Variants in KCTD1 observed in about 807,000 individuals in gnomAD.
The protein encoded by KCTD1 is BTB/POZ domain-containing protein KCTD1.
Under a neutral mutation model 66.0 loss-of-function variants are expected in KCTD1, and 24 were observed. That is an observed-to-expected ratio of 0.36 (90% CI 0.26 to 0.51). KCTD1 has a LOEUF of 0.51. Among genes scored for constraint, KCTD1 ranks in the 20% least tolerant of loss-of-function variants. The pLI, the probability that KCTD1 is intolerant of heterozygous loss-of-function variation, is 0.95. For missense variants in KCTD1, 943 were observed against 1,205.2 expected, an observed-to-expected ratio of 0.78 and a Z score of 3.22; for synonymous variants, 511 against 517.2, an observed-to-expected ratio of 0.99 and a Z score of 0.16.
chr18:26,656,599 C>T (rs1988149307), intron 1 of KCTD1, among the ~76,000 whole-genome samples: 2 of 150,894 alleles, frequency 1.3e-5, no homozygotes, highest in South Asian at 2.1e-4. Flanking sequence ...CGTGGTCCGG[C>T]CCGGGCAAAA....
At position 26,469,177 on chromosome 18, in the gene KCTD1, T is replaced by G. The variant is rs369967394; in HGVS notation, c.2133+7338A>C. ...TTCATTTGACATGCTTTTGTTTTTT[T>G]TTTTTTCCCTCAAGCGTGGGTTACA... On this transcript the variant is annotated intron_variant, in intron 3 of 4. Coordinates refer to ENST00000580059, the MANE Select transcript of KCTD1 (RefSeq NM_001142730.3). 1.2e-3 allele frequency among the ~76,000 whole-genome samples: 178 copies of G among 152,232 alleles called. 1 individual carries two copies. In the Middle Eastern group the frequency reaches 0.031, roughly 26 times the overall value.
In KCTD1 at chr18:26,604,673, T is replaced by C. The variant is rs572910434; in HGVS notation, c.-16+24474A>G. 2.6e-5 allele frequency among the ~76,000 whole-genome samples: 4 copies of C among 151,982 alleles called. No homozygotes were observed. In the East Asian group the frequency reaches 7.7e-4, roughly 29 times the overall value. On this transcript the variant is annotated intron_variant, in intron 1 of 4. Coordinates refer to the KCTD1 transcript ENST00000317932. ...AATACTGCATGTTCTCACTTACAAG[T>C]GGGAGCTAAATGATGAGAACTCATG... is the stretch of plus-strand genomic sequence containing the variant.
chr18:26,462,889 C>G (rs1980512528), intron 3 of KCTD1, among the ~76,000 whole-genome samples: 1 of 152,116 alleles, frequency 6.6e-6, no homozygotes. Context: ...GAAATCTTTC[C>G]TTAAGCCTTT....
chr18:26,559,328 T>C (rs1242115615), intron 1 of KCTD1, among the ~76,000 whole-genome samples: 2 of 152,240 alleles, frequency 1.3e-5, no homozygotes, highest in Non-Finnish European at 2.9e-5. Flanking sequence ...GTGGTTATTA[T>C]GCATTGCATG....
chr18:26,512,939 C>T (rs1172213220), intron 1 of KCTD1, among the ~76,000 whole-genome samples: 1 of 152,028 alleles, frequency 6.6e-6, no homozygotes, highest in East Asian at 1.9e-4. Flanking sequence ...TGAAATCATG[C>T]CCCCGCACTC....
chr18:26,516,586 A>G (rs904133345), intron 1 of KCTD1, among the ~76,000 whole-genome samples: 1 of 152,246 alleles, frequency 6.6e-6, no homozygotes. Flanking sequence ...GGTTATAGCA[A>G]GTAGAATGGA....
intron 1 of KCTD1, among the ~76,000 whole-genome samples, chr18:26,598,618 G>A (rs1392102520): frequency 6.6e-6 from 1 of 152,118 alleles, no homozygotes; most frequent in Admixed American, 6.5e-5. Context: ...CATCAGCTGT[G>A]TTTGAGAATT....
intron 1 of KCTD1, among the ~76,000 whole-genome samples, chr18:26,651,235 G>T (rs1477513689): frequency 6.6e-6 from 1 of 152,212 alleles, no homozygotes; most frequent in African/African-American, 2.4e-5. Flanking sequence ...CCTTTGCCAA[G>T]TGCCCTTGAA....
chr18:26,466,957 G>C (rs187108106), intron 3 of KCTD1, among the ~76,000 whole-genome samples: 129 of 152,304 alleles, frequency 8.5e-4, no homozygotes, highest in Non-Finnish European at 1.3e-3. Flanking sequence ...AAGTTGTAAA[G>C]GGCATTGTGG....
chr18:26,641,158 G>T (rs2145062747), upstream of KCTD1, among the ~76,000 whole-genome samples: 1 of 152,272 alleles, frequency 6.6e-6, no homozygotes, highest in African/African-American at 2.4e-5. Flanking sequence ...CCTCCAGGAA[G>T]CTTTCCCAAC....
rs1249415043 is a variant in KCTD1, at chr18:26,584,708, T to A, written c.-16+44439A>T. Among the ~76,000 whole-genome samples the A allele has an allele frequency of 2.0e-5, 3 of 152,164 alleles. No homozygotes were observed. The East Asian group carries it at 5.8e-4, about 29-fold the overall frequency. On this transcript the variant is annotated intron_variant, in intron 1 of 4. Coordinates refer to the KCTD1 transcript ENST00000317932. ...AGGTATTCACAGGGTGTTTTTTGAG[T>A]ACCTAGGAGGGGGCTCCCGACCACA...
chr18:26,599,468 A>G, intron 1 of KCTD1: 1 of 1,610,698 alleles, frequency 6.2e-7, no homozygotes, highest in Non-Finnish European at 8.5e-7. Context: ...AGTCATCCCC[A>G]GTGGAGGCTC....
intron 1 of KCTD1, among the ~76,000 whole-genome samples, chr18:26,585,037 C>A (rs1986442080): frequency 6.6e-6 from 1 of 152,086 alleles, no homozygotes. Flanking sequence ...CTGCTTCTGA[C>A]TTTGGGTGAC....
At chr18:26,480,348 G>A (rs1217443168) in intron 2 of KCTD1, among the ~76,000 whole-genome samples, 2 of 151,816 alleles carry the variant, frequency 1.3e-5, no homozygotes, top group Non-Finnish European at 2.9e-5. Flanking sequence ...CTCAAACACT[G>A]TATTATTTTA....
At chr18:26,546,632 T>C in intron 1 of KCTD1, 96 bp downstream of exon 1, 3 of 1,376,396 alleles carry the variant, frequency 2.2e-6, no homozygotes, top group Non-Finnish European at 2.9e-6. Context: ...ACCTACTTTT[T>C]AAAACTTCCC....
At chr18:26,523,061 T>C (rs1465621465) in intron 1 of KCTD1, among the ~76,000 whole-genome samples, 1 of 152,230 alleles carries the variant, frequency 6.6e-6, no homozygotes, top group Non-Finnish European at 1.5e-5. Context: ...TTTTTAAAGT[T>C]ACTCAAAAAT....
At chr18:26,516,781 G>T (rs909118704) in intron 1 of KCTD1, among the ~76,000 whole-genome samples, 1 of 152,186 alleles carries the variant, frequency 6.6e-6, no homozygotes, top group Admixed American at 6.5e-5. Context: ...TAAGGCTCTA[G>T]AATGGAGTGC....
At chr18:26,550,722 C>T (rs1457574702), upstream of KCTD1, among the ~76,000 whole-genome samples, 2 of 152,236 alleles carry the variant, frequency 1.3e-5, no homozygotes, top group African/African-American at 4.8e-5. This position sits in a 1 kb window ranked among gnomAD's most constrained non-coding sequence, Gnocchi z 5.4. Flanking sequence ...CCGCCCTGGA[C>T]ACGTGCAGAA....
intron 1 of KCTD1, among the ~76,000 whole-genome samples, chr18:26,578,906 A>G (rs1986289668): frequency 6.6e-6 from 1 of 152,228 alleles, no homozygotes; most frequent in East Asian, 1.9e-4. Context: ...CAATTACTTA[A>G]GAAGTGCTCA....
Sources: gnomAD v4.1 joint callset for allele counts (sites outside exome capture counted in the v4.1 genomes callset) on GRCh38, gnomAD v4.1.1 for gene constraint, Gnocchi (gnomAD v3.1) non-coding constraint, MANE v1.5 for transcripts, NCBI Gene and HGNC (gene_info 2026-07-23, HGNC 2026-07-21) for gene names.